The following NMBR variants were observed in gnomAD, a reference collection of about 807,000 sequenced individuals.
NMBR encodes the protein neuromedin B receptor, also known as neuromedin-B receptor.
Under a neutral mutation model 20.5 loss-of-function variants are expected in NMBR, and 16 were observed. The ratio of observed to expected loss-of-function variants is 0.78; its 90% confidence interval spans 0.53 to 1.19. NMBR has a LOEUF of 1.19. Among genes scored for constraint, NMBR ranks in the 50% most tolerant of loss-of-function variants. The pLI is 0.00. For synonymous variants in NMBR, 212 were observed against 196.6 expected, an observed-to-expected ratio of 1.08 and a Z score of -0.65; for missense variants, 582 against 499.1, an observed-to-expected ratio of 1.17 and a Z score of -1.58.
intron 2 of NMBR, 29 bp from the exon 3 acceptor site, chr6:142,078,932 C>A (rs1239936322): frequency 1.1e-5 from 14 of 1,318,622 alleles, no homozygotes; most frequent in South Asian, 1.9e-5. Flanking sequence ...TCAAGTTATT[C>A]CAGAAAGAAA....
chr6:142,145,742 GT>G (rs1778421494), intron 1 of NMBR, among the ~76,000 whole-genome samples: 1 of 152,166 alleles, frequency 6.6e-6, no homozygotes, highest in African/African-American at 2.4e-5. Context: ...AGCGAGAGAA[GT>G]TTGAAACACC....
At chr6:142,095,363 G>T (rs181535222) in intron 1 of NMBR, among the ~76,000 whole-genome samples, 1 of 152,200 alleles carries the variant, frequency 6.6e-6, no homozygotes, top group Non-Finnish European at 1.5e-5. Flanking sequence ...TTAGCATGAA[G>T]TGTTGTTGAA....
At chr6:142,079,036 GA>G (rs1156745071) in intron 2 of NMBR, 133 bp from the exon 3 acceptor site, 6 of 478,196 alleles carry the variant, frequency 1.3e-5, no homozygotes, top group Non-Finnish European at 2.1e-5. Flanking sequence ...GAGAAAGAAA[GA>G]AAGAGAGAAA....
At chr6:142,138,054 T>A (rs1778294533) in intron 1 of NMBR, among the ~76,000 whole-genome samples, 1 of 152,146 alleles carries the variant, frequency 6.6e-6, no homozygotes, top group Non-Finnish European at 1.5e-5. Flanking sequence ...GAACACTGTG[T>A]TTATATTAAG....
Position 142,074,779 on chromosome 6 carries a change from T to G in NMBR, c.*869A>C, listed in dbSNP as rs545431070. Among the ~76,000 whole-genome samples, 1 of 152,158 alleles carries G rather than the reference T, an allele frequency of 6.6e-6. No homozygotes were observed. Among genetic ancestry groups the G allele is most frequent in the Admixed American group, 6.5e-5 (1 of 15,272 alleles). The stretch of plus-strand genomic sequence containing the variant: ...TTAGCAATGTATACTAAGATGGCCA[T>G]GCAAACTTGTGAGTTGTAGCTTTGC... On this transcript the variant is annotated 3_prime_UTR_variant, in exon 4 of 4. Transcript: ENST00000258042.
intron 3 of NMBR, 123 bp downstream of exon 3, chr6:142,078,431 TA>T (rs1275882613): frequency 3.3e-6 from 2 of 611,188 alleles, no homozygotes; most frequent in African/African-American, 1.9e-5. Context: ...CCCTTCTAGT[TA>T]AGGCCTGTGA....
At chr6:142,082,335 A>G (rs926431871) in intron 2 of NMBR, among the ~76,000 whole-genome samples, 6 of 152,194 alleles carry the variant, frequency 3.9e-5, no homozygotes, top group Non-Finnish European at 5.9e-5. Context: ...GGTTGAAACT[A>G]TAGCCTGAGC....
Position 142,082,272 on chromosome 6 carries a change from T to C in NMBR, c.423-3369A>G, listed in dbSNP as rs114949835. Among the ~76,000 whole-genome samples the C allele has an allele frequency of 2.3e-3, 343 of 152,326 alleles. 2 individuals are homozygous for C. The highest frequency in any genetic ancestry group is 7.1e-3 in the African/African-American group (294 of 41,572). On this transcript the variant is annotated intron_variant, in intron 2 of 3. Coordinates refer to ENST00000258042, the MANE Select transcript of NMBR (RefSeq NM_002511.4). ...GTCTTGCTCACTGTTATATCTCTAA[T>C]ACACAACACAATGCCTGGCCTGGCC...
rs921328337 is a variant in NMBR at position 142,133,717 on chromosome 6, G to T, written c.-664+13327C>A. 30 of 462,898 alleles carry T rather than the reference G, an allele frequency of 6.5e-5. 2 individuals are homozygous for T. The South Asian group carries it at 8.7e-4, about 13-fold the overall frequency. 28.7% of individuals were successfully genotyped at this position (462,898 alleles called of 1,614,324 possible). A position where few individuals can be genotyped will look rare whatever the true frequency, so the allele number is the denominator to read the frequency against. The stretch of plus-strand genomic sequence containing the variant: ...ATGCAGGAATTATATTTGATTTGAT[G>T]ATCTCTAAGGGTCTATTTGGCTTCA... On this transcript the variant is annotated intron_variant, in intron 1 of 3. Coordinates refer to ENST00000258042, the MANE Select transcript of NMBR (RefSeq NM_002511.4).
At chr6:142,109,999 G>T (rs1015375424) in intron 1 of NMBR, among the ~76,000 whole-genome samples, 3 of 152,142 alleles carry the variant, frequency 2.0e-5, no homozygotes, top group Non-Finnish European at 4.4e-5. Context: ...AAGTTACTCA[G>T]TCTAAGGTAT....
At chr6:142,131,584 G>A (rs1196730581) in intron 1 of NMBR, among the ~76,000 whole-genome samples, 1 of 152,056 alleles carries the variant, frequency 6.6e-6, no homozygotes, top group Non-Finnish European at 1.5e-5. Flanking sequence ...TCTCACTAAG[G>A]ATCATATTTT....
rs1015729522 is a variant in NMBR at position 142,104,563 on chromosome 6, C to T, written c.-663-15242G>A. On this transcript the variant is annotated intron_variant, in intron 1 of 3. Transcript: ENST00000258042. ...TTAAAACACTTGACCAAAATAGGAT[C>T]ACAGGTCACCATAAAATAATAGTCA... Among the ~76,000 whole-genome samples the T allele has an allele frequency of 2.6e-5, 4 of 152,144 alleles. No homozygotes were observed. In the South Asian group the frequency reaches 6.2e-4, roughly 24 times the overall value.
rs947230038 is a variant in NMBR at position 142,075,790 on chromosome 6, T to G, written c.1031A>C (p.Lys344Thr). 1.8e-5 allele frequency: 29 copies of G among 1,613,964 alleles called. No individual in the cohort carries two copies. In the Admixed American group the frequency reaches 3.5e-4, roughly 19 times the overall value. Reference sequence around the variant, plus strand: ...GCTGGTTCCTCTCTCTTGATAGGACTTCCTCCCACAGCAGAGTTGGCTGTT... The same window carrying G: ...GCTGGTTCCTCTCTCTTGATAGGACGTCCTCCCACAGCAGAGTTGGCTGTT... The part of the protein sequence containing the change: ...HFNSQLCCGR[K>T]SYQERGTSYL... Residue 344 changes from lysine to threonine, a missense_variant, in exon 4 of 4, where the codon AAG becomes ACG. By Grantham distance (78) the Lys-to-Thr change is moderately conservative. Coordinates refer to ENST00000258042, the MANE Select transcript of NMBR (RefSeq NM_002511.4).
intron 1 of NMBR, among the ~76,000 whole-genome samples, chr6:142,112,781 G>A (rs1268549258): frequency 6.6e-6 from 1 of 152,054 alleles, no homozygotes; most frequent in Non-Finnish European, 1.5e-5. Context: ...TTTCATCAAT[G>A]CTATTTAAGT....
In NMBR at chr6:142,140,642, C is replaced by G. The variant is rs180980170; in HGVS notation, c.-664+6402G>C. On this transcript the variant is annotated intron_variant, in intron 1 of 3. Transcript: ENST00000258042. ...CTAAATGTATCTTTTAAAAGCCAGA[C>G]CAAATTATTAACAAGAACCCCACTT... Among the ~76,000 whole-genome samples the G allele has an allele frequency of 2.6e-4, 40 of 152,074 alleles. 1 individual carries two copies. The East Asian group carries it at 7.3e-3, about 28-fold the overall frequency.
intron 1 of NMBR, among the ~76,000 whole-genome samples, chr6:142,142,408 T>C (rs2114616245): frequency 6.6e-6 from 1 of 152,228 alleles, no homozygotes; most frequent in Non-Finnish European, 1.5e-5. Flanking sequence ...TATATAAAAA[T>C]AATACATCAC....
chr6:142,100,483 C>G (rs1777539438), intron 1 of NMBR, among the ~76,000 whole-genome samples: 1 of 152,140 alleles, frequency 6.6e-6, no homozygotes, highest in African/African-American at 2.4e-5. Flanking sequence ...ATGATTTCAA[C>G]TATATGACAT....
At chr6:142,083,537 T>C (rs907770146) in intron 2 of NMBR, among the ~76,000 whole-genome samples, 1 of 152,154 alleles carries the variant, frequency 6.6e-6, no homozygotes, top group Admixed American at 6.5e-5. Context: ...CAAAATCTCA[T>C]GTAGAATTGT....
At chr6:142,146,511 TAA>T (rs1167399124) in intron 1 of NMBR, among the ~76,000 whole-genome samples, 1 of 152,096 alleles carries the variant, frequency 6.6e-6, no homozygotes, top group Non-Finnish European at 1.5e-5. Flanking sequence ...GTACAATGGT[TAA>T]GAGTTACCAG....
Sources: allele counts gnomAD v4.1 joint callset (sites outside exome capture counted in the v4.1 genomes callset), GRCh38; gene constraint gnomAD v4.1.1; transcripts MANE v1.5; gene names NCBI Gene and HGNC (gene_info 2026-07-23, HGNC 2026-07-21).